Variants in BRINP3 observed in about 807,000 individuals in gnomAD.
The protein encoded by BRINP3 is BMP/retinoic acid inducible neural specific 3.
Under a neutral mutation model 71.0 loss-of-function variants are expected in BRINP3, and 19 were observed. The observed-to-expected ratio is 0.27, with a 90% CI of 0.19 to 0.39. BRINP3 has a LOEUF of 0.39. Among genes scored for constraint, BRINP3 ranks in the 10% least tolerant of loss-of-function variants. BRINP3 has a pLI of 1.00. For synonymous variants in BRINP3, 380 were observed against 337.7 expected (o/e 1.13, Z -1.37); for missense variants, 959 against 940.8 (o/e 1.02, Z -0.25).
chr1:190,117,103 C>A (rs528847592), intron 7 of BRINP3, among the ~76,000 whole-genome samples: 1 of 152,028 alleles, frequency 6.6e-6, no homozygotes, highest in African/African-American at 2.4e-5. Flanking sequence ...AGTGTAAATC[C>A]TTTTGTAATG....
At chr1:190,112,672 A>G (rs1431322223) in intron 7 of BRINP3, among the ~76,000 whole-genome samples, 1 of 152,218 alleles carries the variant, frequency 6.6e-6, no homozygotes, top group East Asian at 1.9e-4. Flanking sequence ...TCTTAACTGT[A>G]TTTGGATTCT....
chr1:190,241,271 T>C (rs1027495268), intron 4 of BRINP3, among the ~76,000 whole-genome samples: 5 of 152,092 alleles, frequency 3.3e-5, no homozygotes, highest in Admixed American at 2.6e-4. Flanking sequence ...TCTCATTATA[T>C]AAAAGAGATG....
At chr1:190,414,107 A>G (rs1336666124) in intron 2 of BRINP3, among the ~76,000 whole-genome samples, 1 of 151,998 alleles carries the variant, frequency 6.6e-6, no homozygotes, top group African/African-American at 2.4e-5. Context: ...AATCTTTACG[A>G]TGACCATGTT....
intron 7 of BRINP3, among the ~76,000 whole-genome samples, chr1:190,104,468 G>T (rs1342864314): frequency 6.6e-6 from 1 of 151,930 alleles, no homozygotes; most frequent in African/African-American, 2.4e-5. Flanking sequence ...ATCTTTTAAA[G>T]AAATATTGTA....
chr1:190,138,880 C>T (rs1037012536), intron 7 of BRINP3, among the ~76,000 whole-genome samples: 8 of 151,956 alleles, frequency 5.3e-5, no homozygotes, highest in Non-Finnish European at 1.2e-4. Context: ...GAGCCTGAGT[C>T]CAGATCATAT....
chr1:190,152,534 C>CA (rs1656496425), intron 7 of BRINP3, among the ~76,000 whole-genome samples: 1 of 114,676 alleles, frequency 8.7e-6, no homozygotes, highest in Non-Finnish European at 1.8e-5. Flanking sequence ...TCCCCCAACC[C>CA]CCCCCCCGCC....
At chr1:190,141,828 G>A (rs1314093212) in intron 7 of BRINP3, among the ~76,000 whole-genome samples, 1 of 151,518 alleles carries the variant, frequency 6.6e-6, no homozygotes, top group Non-Finnish European at 1.5e-5. Flanking sequence ...AAAGTGTTGG[G>A]ATCACAGGTG....
chr1:190,337,126 CAA>C (rs1667342075), intron 2 of BRINP3, among the ~76,000 whole-genome samples: 1 of 151,830 alleles, frequency 6.6e-6, no homozygotes, highest in African/African-American at 2.4e-5. Flanking sequence ...GTTTAACACT[CAA>C]GTCTGCATAC....
intron 2 of BRINP3, among the ~76,000 whole-genome samples, chr1:190,410,747 T>C (rs1352908377): frequency 6.6e-6 from 1 of 152,068 alleles, no homozygotes; most frequent in East Asian, 1.9e-4. Context: ...CAAAGTGCAA[T>C]GCAGCTAAAG....
chr1:190,232,380 T>C lies in BRINP3; in HGVS notation c.724+1992A>G, dbSNP rs1389173091. Among the ~76,000 whole-genome samples the C allele has an allele frequency of 7.2e-5, 11 of 152,190 alleles. No individual in the cohort carries two copies. In the East Asian group the frequency reaches 2.1e-3, roughly 29 times the overall value. On this transcript the variant is annotated intron_variant, in intron 5 of 7. Coordinates refer to ENST00000367462, the MANE Select transcript of BRINP3 (RefSeq NM_199051.3). ...GAGGGGTAGTACAAAAGGAGAGGTT[T>C]AAAAGTTAGCCAACATTATACTTGG... is the stretch of plus-strand genomic sequence containing the variant.
intron 2 of BRINP3, among the ~76,000 whole-genome samples, chr1:190,387,500 A>G (rs927393329): frequency 1.3e-5 from 2 of 151,934 alleles, no homozygotes; most frequent in Non-Finnish European, 2.9e-5. Context: ...CTAAAATTTC[A>G]GGAAGGCAAT....
chr1:190,450,062 T>A (rs887229560), intron 2 of BRINP3, among the ~76,000 whole-genome samples: 2 of 152,178 alleles, frequency 1.3e-5, no homozygotes, highest in African/African-American at 4.8e-5. Flanking sequence ...ACATGGGGCA[T>A]CCTTATTTGA....
chr1:190,152,801 G>T (rs970329108), intron 7 of BRINP3, among the ~76,000 whole-genome samples: 1 of 151,962 alleles, frequency 6.6e-6, no homozygotes, highest in Admixed American at 6.6e-5. Flanking sequence ...GTCGTACTCT[G>T]CCTAAAATGC....
At chr1:190,309,952 CA>C (rs1665399480) in intron 2 of BRINP3, among the ~76,000 whole-genome samples, 1 of 151,652 alleles carries the variant, frequency 6.6e-6, no homozygotes, top group Non-Finnish European at 1.5e-5. Flanking sequence ...TTGGAAACTT[CA>C]ATTACCAGAT....
At chr1:190,232,197 A>G (rs1005636762) in intron 5 of BRINP3, among the ~76,000 whole-genome samples, 1 of 151,960 alleles carries the variant, frequency 6.6e-6, no homozygotes, top group Non-Finnish European at 1.5e-5. Flanking sequence ...AGACATGAAG[A>G]TCTCTGTTGT....
chr1:190,195,823 T>C (rs1654429756), intron 6 of BRINP3, among the ~76,000 whole-genome samples: 1 of 152,128 alleles, frequency 6.6e-6, no homozygotes, highest in South Asian at 2.1e-4. Context: ...ATTCTAAATT[T>C]ATAACTATAT....
chr1:190,220,825 A>T (rs1274812494), intron 6 of BRINP3, among the ~76,000 whole-genome samples: 1 of 152,158 alleles, frequency 6.6e-6, no homozygotes, highest in Admixed American at 6.6e-5. Context: ...GCCAAAAAAA[A>T]GTTTTCAAGG....
intron 4 of BRINP3, among the ~76,000 whole-genome samples, chr1:190,237,481 G>C (rs900554223): frequency 1.3e-5 from 2 of 151,838 alleles, no homozygotes; most frequent in East Asian, 1.9e-4. Context: ...CAGTTTACTT[G>C]TTTGTTCCAA....
intron 2 of BRINP3, among the ~76,000 whole-genome samples, chr1:190,363,517 G>A (rs748695108): frequency 2.6e-5 from 4 of 152,114 alleles, no homozygotes; most frequent in Non-Finnish European, 5.9e-5. Flanking sequence ...TGAATCGTCT[G>A]ATTTTTTATA....
Sources: allele counts gnomAD v4.1 joint callset (sites outside exome capture counted in the v4.1 genomes callset), GRCh38; gene constraint gnomAD v4.1.1; transcripts MANE v1.5; gene names NCBI Gene and HGNC (gene_info 2026-07-23, HGNC 2026-07-21).